The following TPRG1 variants were observed in gnomAD, a reference collection of about 807,000 sequenced individuals.
TPRG1 encodes tumor protein p63-regulated gene 1 protein.
In TPRG1, 29 loss-of-function variants were observed where a neutral mutation model predicts 29.3. That is an observed-to-expected ratio of 0.99 (90% CI 0.74 to 1.35). The LOEUF (loss-of-function observed/expected upper bound fraction) is 1.35. TPRG1 is among the 40% of genes most tolerant of loss of function. The pLI, the probability that TPRG1 is intolerant of heterozygous loss-of-function variation, is 0.00. For missense variants in TPRG1, 327 were observed against 335.0 expected (o/e 0.98, Z 0.19); for synonymous variants, 130 against 116.8 (o/e 1.11, Z -0.73).
intron 4 of TPRG1, among the ~76,000 whole-genome samples, chr3:189,285,783 C>T (rs1717957621): frequency 6.6e-6 from 1 of 152,226 alleles, no homozygotes; most frequent in Admixed American, 6.5e-5. Flanking sequence ...TATTCAAACT[C>T]AAGTCTCCTG....
chr3:189,066,857 A>G (rs549967634), intron 4 of TPRG1, among the ~76,000 whole-genome samples: 1 of 152,264 alleles, frequency 6.6e-6, no homozygotes, highest in South Asian at 2.1e-4. Flanking sequence ...AGGCATCCAA[A>G]TTTGAGAGGA....
chr3:189,193,591 CCTCA>C (rs1053588875), intron 1 of TPRG1, among the ~76,000 whole-genome samples: 2 of 147,856 alleles, frequency 1.4e-5, no homozygotes, highest in African/African-American at 2.5e-5. Flanking sequence ...TGTAAGCTTT[CCTCA>C]CTCCTTTTCA....
At chr3:189,198,304 C>T (rs906422140) in intron 1 of TPRG1, among the ~76,000 whole-genome samples, 1 of 152,178 alleles carries the variant, frequency 6.6e-6, no homozygotes, top group Non-Finnish European at 1.5e-5. Context: ...TCCCCTCTTC[C>T]CACTCACCAT....
At chr3:189,058,030 A>C (rs1350289770) in intron 4 of TPRG1, among the ~76,000 whole-genome samples, 1 of 151,972 alleles carries the variant, frequency 6.6e-6, no homozygotes, top group Non-Finnish European at 1.5e-5. Context: ...TGTATATGTC[A>C]GGATTTTTTC....
At chr3:189,286,291 ACT>A (rs1454422673) in intron 4 of TPRG1, among the ~76,000 whole-genome samples, 6 of 151,588 alleles carry the variant, frequency 4.0e-5, no homozygotes, top group South Asian at 2.1e-4. Context: ...TTGTTGCTTT[ACT>A]CTGTTTTATT....
At chr3:189,166,953 G>A (rs1728236155) in intron 5 of TPRG1, among the ~76,000 whole-genome samples, 1 of 152,182 alleles carries the variant, frequency 6.6e-6, no homozygotes, top group Admixed American at 6.5e-5. Flanking sequence ...TTCTTCCCCT[G>A]TGGACCCCAA....
intron 4 of TPRG1, among the ~76,000 whole-genome samples, chr3:189,245,659 G>GT (rs1579015006): frequency 6.6e-6 from 1 of 151,964 alleles, no homozygotes. Context: ...TTTATTTGTA[G>GT]TTTTTTACAA....
chr3:189,116,977 T>TA (rs145049384), intron 1 of TPRG1, among the ~76,000 whole-genome samples: 4 of 152,094 alleles, frequency 2.6e-5, no homozygotes, highest in Non-Finnish European at 5.9e-5. Flanking sequence ...TAAAAAATAC[T>TA]AAAAAAAATT....
intron 3 of TPRG1, among the ~76,000 whole-genome samples, chr3:189,144,415 G>C (rs938315451): frequency 2.6e-5 from 4 of 152,212 alleles, no homozygotes; most frequent in African/African-American, 9.6e-5. Flanking sequence ...AGAGGAAACA[G>C]TACATAAAAT....
chr3:189,248,702 G>C (rs749480361), intron 4 of TPRG1, among the ~76,000 whole-genome samples: 3 of 151,078 alleles, frequency 2.0e-5, no homozygotes, highest in Non-Finnish European at 4.4e-5. Context: ...AGAATAGATT[G>C]AAGTAACTTT....
intron 4 of TPRG1, among the ~76,000 whole-genome samples, chr3:189,279,134 ATATAAAT>A (rs1399039668): frequency 1.3e-5 from 2 of 152,250 alleles, no homozygotes; most frequent in Non-Finnish European, 2.9e-5. Context: ...CACAGGCAAT[ATATAAAT>A]GAGTGAATAC....
rs554375270 is a variant in TPRG1 at position 189,274,379 on chromosome 3, G to A, written c.479+35470G>A. Among the ~76,000 whole-genome samples, 3 of 151,658 alleles carry A rather than the reference G, an allele frequency of 2.0e-5. No individual in the cohort carries two copies. The East Asian group carries it at 5.9e-4, about 30-fold the overall frequency. On this transcript the variant is annotated intron_variant, in intron 4 of 5. Transcript: ENST00000345063. ...TAAAATATTATTTTTCCTGGATTGG[G>A]AAAAATGTAATTGCCGTTTGTTCAG... is the stretch of plus-strand genomic sequence containing the variant.
chr3:189,307,414 A>T (rs1721807266), intron 4 of TPRG1, among the ~76,000 whole-genome samples: 1 of 152,170 alleles, frequency 6.6e-6, no homozygotes, highest in African/African-American at 2.4e-5. Context: ...TAGTCTCAAA[A>T]TTGCTCATAT....
At chr3:189,003,844 C>T (rs1712151754) in intron 2 of TPRG1, among the ~76,000 whole-genome samples, 1 of 151,962 alleles carries the variant, frequency 6.6e-6, no homozygotes, top group South Asian at 2.1e-4. Context: ...GTTTTCCTTG[C>T]TGTAATATTT....
chr3:189,224,921 C>G (rs553943194), intron 3 of TPRG1, among the ~76,000 whole-genome samples: 79 of 147,176 alleles, frequency 5.4e-4, no homozygotes, highest in African/African-American at 1.9e-3. Flanking sequence ...ATAGGTGTCT[C>G]TTCCTTTTTC....
chr3:189,207,535 A>G lies in TPRG1; in HGVS notation c.151A>G (p.Thr51Ala), dbSNP rs1326749177. 6.2e-7 allele frequency: 1 copy of G among 1,613,724 alleles called. No homozygotes were observed. The highest frequency in any genetic ancestry group is 8.5e-7 in the Non-Finnish European group (1 of 1,179,948). ...ISRQSSVTES[T>A]LYPNPYHQPY... Reference sequence around the variant, plus strand: ...AAGGCAGTCAAGTGTGACCGAATCAACTCTTTACCCCAATCCTTATCATCA... The same window carrying G: ...AAGGCAGTCAAGTGTGACCGAATCAGCTCTTTACCCCAATCCTTATCATCA... Residue 51 changes from threonine to alanine, a missense_variant, in exon 2 of 6, where the codon ACT becomes GCT. By Grantham distance (58) the Thr-to-Ala change is moderately conservative (BLOSUM62 0). Transcript: ENST00000345063.
intron 3 of TPRG1, among the ~76,000 whole-genome samples, chr3:189,233,299 A>G (rs1297386813): frequency 1.3e-5 from 2 of 152,114 alleles, no homozygotes; most frequent in Non-Finnish European, 2.9e-5. Context: ...GCTTTAAAAG[A>G]GCAACTGAAA....
At chr3:189,087,112 C>T (rs1031735430) in intron 4 of TPRG1, among the ~76,000 whole-genome samples, 2 of 152,194 alleles carry the variant, frequency 1.3e-5, no homozygotes, top group Non-Finnish European at 2.9e-5. Context: ...AACTAGTTTG[C>T]AGTCCCACTA....
intron 5 of TPRG1, among the ~76,000 whole-genome samples, chr3:189,162,188 G>C (rs1727580026): frequency 6.6e-6 from 1 of 152,032 alleles, no homozygotes; most frequent in African/African-American, 2.4e-5. Context: ...TAGAGAGAGG[G>C]TTTCACCATC....
Sources: gnomAD v4.1 joint callset for allele counts (sites outside exome capture counted in the v4.1 genomes callset) on GRCh38, gnomAD v4.1.1 for gene constraint, MANE v1.5 for transcripts, NCBI Gene and HGNC (gene_info 2026-07-23, HGNC 2026-07-21) for gene names.